The following PDCD11 variants were observed in gnomAD, a reference collection of about 807,000 sequenced individuals.
The protein encoded by PDCD11 is protein RRP5 homolog.
A neutral mutation model predicts 198.9 loss-of-function variants in PDCD11; 97 were observed. The observed-to-expected ratio is 0.49, with a 90% CI of 0.41 to 0.58. The LOEUF is 0.58. Among genes scored for constraint, PDCD11 ranks in the 20% least tolerant of loss-of-function variants. The pLI, the probability that PDCD11 is intolerant of heterozygous loss-of-function variation, is 0.00. For missense variants in PDCD11, 2,102 were observed against 2,312.7 expected (o/e 0.91, Z 1.87); for synonymous variants, 893 against 918.0 (o/e 0.97, Z 0.49).
chr10:103,440,764 G>T lies in PDCD11; in HGVS notation c.4471G>T (p.Gly1491Cys), dbSNP rs542819088. 7 of 1,614,014 alleles carry T rather than the reference G, an allele frequency of 4.3e-6. No homozygotes were observed. The African/African-American group carries it at 6.7e-5, about 15-fold the overall frequency. The change falls in exon 30 of 36, where the codon GGC (glycine) becomes TGC (cysteine). Residue 1491 changes from glycine to cysteine, a missense_variant. By Grantham distance (159) the Gly-to-Cys change is radical. Coordinates refer to ENST00000369797, the MANE Select transcript of PDCD11 (RefSeq NM_014976.2). ...AGTGAGCAAGAAGCCAAAGAAAGCC[G>T]GCCTGTCAGAGGAGGACGACAGCCT... ...ERVSKKPKKAGLSEEDDSLVD... is the reference protein window; with the variant it reads ...ERVSKKPKKACLSEEDDSLVD...
At chr10:103,419,405 C>A in intron 15 of PDCD11, 133 bp from the exon 16 acceptor site, 1 of 963,362 alleles carries the variant, frequency 1.0e-6, no homozygotes, top group Non-Finnish European at 1.6e-6. Context: ...TGCTGCTGGT[C>A]TGCACACTTA....
At chr10:103,427,303 A>G (rs2031737046) in intron 20 of PDCD11, 26 bp from the exon 21 acceptor site, 3 of 1,599,192 alleles carry the variant, frequency 1.9e-6, no homozygotes, top group South Asian at 2.2e-5. Flanking sequence ...ATGAAGAGAA[A>G]TGATTCAGCT....
At position 103,421,368 on chromosome 10, in the gene PDCD11, G is replaced by T; in HGVS notation, c.2298G>T (p.Val766=). 1 of 1,608,702 alleles carries T rather than the reference G, an allele frequency of 6.2e-7. No individual in the cohort carries two copies. The highest frequency in any genetic ancestry group is 8.5e-7 in the Non-Finnish European group (1 of 1,177,476). Residue 766 remains valine, a synonymous_variant, in exon 17 of 36, where the codon GTG becomes GTT. Coordinates refer to ENST00000369797, the MANE Select transcript of PDCD11 (RefSeq NM_014976.2). Reference sequence around the variant, plus strand: ...TTCAGATCATGAGTGACAAATTTGTGACCTCCACAAGTGACCACTTTGTTG... The same window carrying T: ...TTCAGATCATGAGTGACAAATTTGTTACCTCCACAAGTGACCACTTTGTTG... ...APKAIMSDKF[V]TSTSDHFVEG...
chr10:103,438,876 C>G lies in PDCD11; in HGVS notation c.4025+68C>G. On this transcript the variant is annotated intron_variant, in intron 27 of 35. Coordinates refer to ENST00000369797, the MANE Select transcript of PDCD11 (RefSeq NM_014976.2). ...TGAGCCTGTGTTGCTCTGGGGTCCA[C>G]TGTGTTCCTCGGTCAACTTCTTTGA... 5.2e-6 allele frequency: 8 copies of G among 1,548,358 alleles called. No homozygotes were observed. The South Asian group carries it at 9.1e-5, about 18-fold the overall frequency.
Position 103,417,837 on chromosome 10 carries a change from A to T in PDCD11, c.1816A>T (p.Met606Leu), listed in dbSNP as rs747505165. Reference protein sequence around the residue: ...VLNCEPSKERMLLSFKLSSDP... With the variant: ...VLNCEPSKERLLLSFKLSSDP... Reference sequence around the variant, plus strand: ...GAACTGTGAGCCATCCAAAGAGAGGATGCTCTTATCCTTCAAGCTGTCGAG... The same window carrying T: ...GAACTGTGAGCCATCCAAAGAGAGGTTGCTCTTATCCTTCAAGCTGTCGAG... The change falls in exon 14 of 36, where the codon ATG (methionine) becomes TTG (leucine). Residue 606 changes from methionine (M) to leucine (L), a missense_variant. Physicochemically the swap from Met to Leu is conservative, Grantham distance 15 (BLOSUM62 2). Coordinates refer to ENST00000369797, the MANE Select transcript of PDCD11 (RefSeq NM_014976.2). 7.4e-5 allele frequency: 120 copies of T among 1,614,016 alleles called. No homozygotes were observed. Among genetic ancestry groups the T allele is most frequent in the Non-Finnish European group, 1.0e-4 (118 of 1,179,988 alleles).
intron 17 of PDCD11, among the ~76,000 whole-genome samples, chr10:103,422,013 C>CT (rs936508153): frequency 6.5e-5 from 9 of 137,902 alleles, no homozygotes; most frequent in East Asian, 2.1e-4. Context: ...ATTGGGTTAA[C>CT]TTTTTTTTTA....
intron 7 of PDCD11, among the ~76,000 whole-genome samples, chr10:103,407,380 G>A (rs146041180): frequency 7.2e-4 from 109 of 152,068 alleles, no homozygotes; most frequent in African/African-American, 2.6e-3. Context: ...TGGCTAACAC[G>A]GTGAAACCCC....
At chr10:103,439,552 C>T (rs1185464579) in intron 27 of PDCD11, among the ~76,000 whole-genome samples, 194 bp from the exon 28 acceptor site, 3 of 152,216 alleles carry the variant, frequency 2.0e-5, no homozygotes, top group Non-Finnish European at 4.4e-5. Context: ...AAAATACCCT[C>T]AATCATATCT....
At chr10:103,398,629 T>G (rs1397541181) in intron 2 of PDCD11, 101 bp downstream of exon 2, 12 of 781,296 alleles carry the variant, frequency 1.5e-5, no homozygotes. Context: ...TTCCAGATTT[T>G]TTTTGCATTG....
chr10:103,405,402 C>G (rs1564756938), intron 5 of PDCD11: 1 of 394,040 alleles, frequency 2.5e-6, no homozygotes, highest in Non-Finnish European at 4.5e-6. Context: ...AAAGCAAGTC[C>G]AAATTTCTTT....
At chr10:103,421,120 C>T (rs764146010) in intron 16 of PDCD11, among the ~76,000 whole-genome samples, 29 of 152,078 alleles carry the variant, frequency 1.9e-4, no homozygotes, top group African/African-American at 5.1e-4. Flanking sequence ...ATGATCTGCC[C>T]GCCTCGGCCT....
chr10:103,406,508 G>T, intron 6 of PDCD11, 101 bp from the exon 7 acceptor site: 1 of 995,880 alleles, frequency 1.0e-6, no homozygotes, highest in South Asian at 1.7e-5. Context: ...TGCTAACTGG[G>T]CAGGTAGGCC....
chr10:103,426,965 T>C (rs1314623261), intron 20 of PDCD11, among the ~76,000 whole-genome samples: 1 of 151,708 alleles, frequency 6.6e-6, no homozygotes, highest in African/African-American at 2.4e-5. Flanking sequence ...AAAAATTAGC[T>C]GGGCATGGTG....
intron 28 of PDCD11, 59 bp from the exon 29 acceptor site, chr10:103,440,231 G>A (rs898561585): frequency 2.7e-5 from 42 of 1,546,160 alleles, no homozygotes; most frequent in South Asian, 2.7e-4. Context: ...GGCCTGGGCC[G>A]CCTGTGGTGC....
intron 18 of PDCD11, 124 bp downstream of exon 18, chr10:103,423,261 A>T (rs945649641): frequency 1.7e-5 from 17 of 1,013,698 alleles, no homozygotes; most frequent in Admixed American, 3.4e-5. Flanking sequence ...GATTTTTGGC[A>T]TGCCTATCTT....
intron 11 of PDCD11, 117 bp downstream of exon 11, chr10:103,414,447 T>G: frequency 5.9e-6 from 4 of 680,802 alleles, no homozygotes; most frequent in Non-Finnish European, 1.0e-5. Context: ...TCATGTTCCT[T>G]GCTTCTGCCT....
At chr10:103,412,698 A>C (rs538902949) in intron 8 of PDCD11, among the ~76,000 whole-genome samples, 1 of 152,162 alleles carries the variant, frequency 6.6e-6, no homozygotes, top group African/African-American at 2.4e-5. Context: ...TCCTGATCTC[A>C]AGTGATCTGC....
intron 25 of PDCD11, among the ~76,000 whole-genome samples, chr10:103,436,098 G>A (rs2032143178): frequency 6.6e-6 from 1 of 151,176 alleles, no homozygotes; most frequent in East Asian, 1.9e-4. Context: ...CACAATCTTG[G>A]CTCTTGTTTT....
In PDCD11 at chr10:103,440,329, C is replaced by T. The variant is rs1409812562; in HGVS notation, c.4188C>T (p.Leu1396=). Residue 1396 remains leucine (L), a synonymous_variant, in exon 29 of 36, where the codon CTC becomes CTT. Transcript: ENST00000369797. Reference sequence around the variant, plus strand: ...AGAACCTGGTAGAGCTGTCTTTCCTCCCCGGAGACACTGGGAAGCCAGACG... The same window carrying T: ...AGAACCTGGTAGAGCTGTCTTTCCTTCCCGGAGACACTGGGAAGCCAGACG... The part of the protein sequence containing the change: ...HQKNLVELSF[L]PGDTGKPDVL... The T allele has an allele frequency of 4.3e-6, 7 of 1,614,018 alleles. No individual in the cohort carries two copies. The African/African-American group carries it at 5.3e-5, about 12-fold the overall frequency.
Sources: allele counts gnomAD v4.1 joint callset (sites outside exome capture counted in the v4.1 genomes callset), GRCh38; gene constraint gnomAD v4.1.1; transcripts MANE v1.5; gene names NCBI Gene and HGNC (gene_info 2026-07-23, HGNC 2026-07-21).